PDGFRB: variants seen among roughly 807,000 people sequenced by gnomAD.
PDGFRB encodes platelet derived growth factor receptor beta, also known as platelet-derived growth factor receptor beta.
In PDGFRB, 42 loss-of-function variants were observed where a neutral mutation model predicts 120.2. The observed-to-expected ratio is 0.35, with a 90% CI of 0.27 to 0.45. The LOEUF (loss-of-function observed/expected upper bound fraction) is 0.45. PDGFRB is among the 20% of genes least tolerant of loss of function. The pLI, the probability that PDGFRB is intolerant of heterozygous loss-of-function variation, is 1.00. For synonymous variants in PDGFRB, 586 were observed against 606.8 expected, an observed-to-expected ratio of 0.97 and a Z score of 0.50; for missense variants, 1,149 against 1,476.3, an observed-to-expected ratio of 0.78 and a Z score of 3.63.
At chr5:150,117,520 A>T (rs1202436631) in intron 22 of PDGFRB, 98 bp downstream of exon 22, 9 of 699,682 alleles carry the variant, frequency 1.3e-5, no homozygotes, top group Non-Finnish European at 2.0e-5. Context: ...TCTGAGGCAA[A>T]CCTGGCAGCG....
chr5:150,123,006 T>A (rs1298967790), intron 15 of PDGFRB, 36 bp downstream of exon 15: 1 of 1,588,188 alleles, frequency 6.3e-7, no homozygotes, highest in South Asian at 1.1e-5. Flanking sequence ...TCCTCAGGTA[T>A]CCCAAAGATT....
rs1696530222 is a variant in PDGFRB, at chr5:150,133,716, C to T, written c.804G>A (p.Met268Ile). ...GCAGGATGGAGCGGATGTGGTAAGG[C>T]ATATCCAAGAGGAAGTCAGTCACCG... ...VEPVTDFLLD[M>I]PYHIRSILHI... The change falls in exon 6 of 23, where the codon ATG (methionine) becomes ATA (isoleucine). Residue 268 changes from methionine (M) to isoleucine (I), a missense_variant. By Grantham distance (10) the Met-to-Ile change is conservative (BLOSUM62 1). This residue lies in a region of PDGFRB where 879 missense variants were observed against 1,108.6 expected (regional missense o/e 0.79). Transcript: ENST00000261799. 1.2e-6 allele frequency: 2 copies of T among 1,614,158 alleles called. No individual in the cohort carries two copies. The highest frequency in any genetic ancestry group is 1.3e-5 in the African/African-American group (1 of 75,028).
chr5:150,117,537 CGCGCG>C, intron 22 of PDGFRB, 76 bp downstream of exon 22: 7 of 590,126 alleles, frequency 1.2e-5, no homozygotes. Context: ...AGCGCGCGCG[CGCGCG>C]CGCACACACA....
In PDGFRB at chr5:150,115,840, G is replaced by C. The variant is rs1759911857; in HGVS notation, c.3244C>G (p.Pro1082Ala). 1 of 1,612,848 alleles carries C rather than the reference G, an allele frequency of 6.2e-7. No homozygotes were observed. Among genetic ancestry groups the C allele is most frequent in the East Asian group, 2.2e-5 (1 of 44,858 alleles). Residue 1082 changes from proline to alanine, a missense_variant, in exon 23 of 23, where the codon CCG becomes GCG. Physicochemically the swap from Pro to Ala is conservative, Grantham distance 27. Coordinates refer to ENST00000261799, the MANE Select transcript of PDGFRB (RefSeq NM_002609.4). The stretch of plus-strand genomic sequence containing the variant: ...GGCAACTGTTCCAGCTCTGGCTCCG[G>C]CTCCACCTGGAGCTCAAGCTGGGGC... ...PEPQLELQVE[P>A]EPELEQLPDS...
At chr5:150,149,392 A>T (rs1761010184) in intron 1 of PDGFRB, among the ~76,000 whole-genome samples, 1 of 152,182 alleles carries the variant, frequency 6.6e-6, no homozygotes, top group South Asian at 2.1e-4. Context: ...CAGAGCATTA[A>T]ACCAAACATA....
rs193195949 is a variant in PDGFRB at position 150,114,802 on chromosome 5, C to A, written c.*961G>T. On this transcript the variant is annotated 3_prime_UTR_variant, in exon 23 of 23. Coordinates refer to ENST00000261799, the MANE Select transcript of PDGFRB (RefSeq NM_002609.4). The stretch of plus-strand genomic sequence containing the variant: ...GCAAGGCACTCAGAGTTAATAAGTC[C>A]GACTTATTCATTTTTTGAAGGGGAA... 1.7e-5 allele frequency: 4 copies of A among 233,436 alleles called. No individual in the cohort carries two copies. Among genetic ancestry groups the A allele is most frequent in the Non-Finnish European group, 3.4e-5 (4 of 117,994 alleles). 14.5% of individuals were successfully genotyped at this position (233,436 alleles called of 1,614,324 possible).
At chr5:150,127,848 A>C (rs1184538384) in intron 10 of PDGFRB, among the ~76,000 whole-genome samples, 1 of 150,026 alleles carries the variant, frequency 6.7e-6, no homozygotes, top group South Asian at 2.2e-4. Flanking sequence ...AAAAAAAAAA[A>C]AAAAAAAAAA....
chr5:150,125,641 TCGTCCGTCTAGGA>T, intron 11 of PDGFRB, 64 bp from the exon 12 acceptor site: 1 of 1,560,116 alleles, frequency 6.4e-7, no homozygotes, highest in Middle Eastern at 1.7e-4. Context: ...CCCATTAGGT[TCGTCCGTCTAGGA>T]CACATGGGGC....
At chr5:150,141,585 T>G (rs920073896) in intron 1 of PDGFRB, among the ~76,000 whole-genome samples, 2 of 152,170 alleles carry the variant, frequency 1.3e-5, no homozygotes, top group Non-Finnish European at 2.9e-5. Flanking sequence ...CTGACCAACG[T>G]GCATGTTTGG....
At chr5:150,133,436 A>G (rs1760531360) in intron 6 of PDGFRB, 150 bp downstream of exon 6, 1 of 700,476 alleles carries the variant, frequency 1.4e-6, no homozygotes, top group African/African-American at 1.8e-5. Context: ...GGCTGACTAT[A>G]CCCCGGGGCT....
In PDGFRB at chr5:150,120,732, A is replaced by C. The variant is rs1266021679; in HGVS notation, c.2586+156T>G. The stretch of plus-strand genomic sequence containing the variant: ...CTCCCCATCCTGTCCCTGCACACAT[A>C]GCTGGGCAGGCACAGCCCATCACTG... On this transcript the variant is annotated intron_variant, in intron 18 of 22. Coordinates refer to ENST00000261799, the MANE Select transcript of PDGFRB (RefSeq NM_002609.4). The surrounding 1 kb of genome is among the most constrained non-coding windows in gnomAD (Gnocchi z 4.3). Among the ~76,000 whole-genome samples the C allele has an allele frequency of 6.6e-6, 1 of 151,980 alleles. No homozygotes were observed. The highest frequency in any genetic ancestry group is 1.5e-5 in the Non-Finnish European group (1 of 67,992).
chr5:150,132,009 C>T lies in PDGFRB; in HGVS notation c.1213G>A (p.Val405Ile). Residue 405 changes from valine to isoleucine, a missense_variant, in exon 8 of 23, where the codon GTC becomes ATC. Coordinates refer to ENST00000261799, the MANE Select transcript of PDGFRB (RefSeq NM_002609.4). The surrounding 1 kb of genome is among the most constrained non-coding windows in gnomAD (Gnocchi z 5.0). ...ATCTGTAGCTGGAAGGAGAGCTGGA[C>T]CTCAGCATCCTCATGGAAGGCCCGC... ...TMRAFHEDAE[V>I]QLSFQLQINV... The T allele has an allele frequency of 6.2e-7, 1 of 1,604,456 alleles. No individual in the cohort carries two copies. The highest frequency in any genetic ancestry group is 8.5e-7 in the Non-Finnish European group (1 of 1,171,224).
intron 1 of PDGFRB, among the ~76,000 whole-genome samples, chr5:150,147,367 G>A (rs1179762873): frequency 1.3e-5 from 2 of 152,226 alleles, no homozygotes; most frequent in African/African-American, 4.8e-5. Context: ...TGAGACTGAG[G>A]AGGGGGGTGC....
rs781190777 is a variant in PDGFRB at position 150,132,038 on chromosome 5, G to A, written c.1184C>T (p.Thr395Ile). The change falls in exon 8 of 23, where the codon ACC (threonine) becomes ATC (isoleucine). Residue 395 changes from threonine (T) to isoleucine (I), a missense_variant. Thr to Ile is a moderately conservative substitution (Grantham distance 89, BLOSUM62 -1). Coordinates refer to ENST00000261799, the MANE Select transcript of PDGFRB (RefSeq NM_002609.4). This position sits in a 1 kb window ranked among gnomAD's most constrained non-coding sequence, Gnocchi z 5.0. ...AGCATCCTCATGGAAGGCCCGCATGGTGTAGTGGCCAGCCTCTGCCACCTT... is the reference window on the plus strand; with the variant it reads ...AGCATCCTCATGGAAGGCCCGCATGATGTAGTGGCCAGCCTCTGCCACCTT... Reference protein sequence around the residue: ...RVKVAEAGHYTMRAFHEDAEV... With the variant: ...RVKVAEAGHYIMRAFHEDAEV... 1.1e-5 allele frequency: 18 copies of A among 1,612,340 alleles called. No individual in the cohort carries two copies. Among genetic ancestry groups the A allele is most frequent in the African/African-American group, 6.7e-5 (5 of 74,874 alleles).
At chr5:150,131,256 C>A (rs576531570) in intron 8 of PDGFRB, among the ~76,000 whole-genome samples, 8 of 152,300 alleles carry the variant, frequency 5.3e-5, no homozygotes, top group Middle Eastern at 3.4e-3. Flanking sequence ...ACTGCCCTAT[C>A]CCCGTTCTGA....
intron 8 of PDGFRB, among the ~76,000 whole-genome samples, chr5:150,131,398 C>G (rs1307364074): frequency 1.3e-5 from 2 of 152,194 alleles, no homozygotes; most frequent in African/African-American, 4.8e-5. Flanking sequence ...TCACCTTCTT[C>G]AGGTCTTCAT....
In PDGFRB at chr5:150,121,909, A is replaced by G. The variant is rs2113891102; in HGVS notation, c.2315T>C (p.Met772Thr). 2.5e-6 allele frequency: 4 copies of G among 1,613,686 alleles called. No individual in the cohort carries two copies. The highest frequency in any genetic ancestry group is 3.4e-6 in the Non-Finnish European group (4 of 1,179,578). Residue 772 changes from methionine (M) to threonine (T), a missense_variant, in exon 16 of 23, where the codon ATG becomes ACG. By Grantham distance (81) the Met-to-Thr change is moderately conservative. Transcript: ENST00000261799. This position sits in a 1 kb window ranked among gnomAD's most constrained non-coding sequence, Gnocchi z 4.1. Reference sequence around the variant, plus strand: ...GGGAACGTAGTTATCGTAAGGGGCCATGTAGTTGGAGGACTCGATGTCTGC... The same window carrying G: ...GGGAACGTAGTTATCGTAAGGGGCCGTGTAGTTGGAGGACTCGATGTCTGC... ...KYADIESSNY[M>T]APYDNYVPSA...
intron 2 of PDGFRB, among the ~76,000 whole-genome samples, 166 bp from the exon 3 acceptor site, chr5:150,136,044 G>A (rs895632682): frequency 2.0e-5 from 3 of 152,110 alleles, no homozygotes; most frequent in East Asian, 1.9e-4. Context: ...AGGACCGCTC[G>A]CCCAGCTCCA....
chr5:150,132,102 GC>G lies in PDGFRB; in HGVS notation c.1128-9del. On this transcript the variant is annotated splice_polypyrimidine_tract_variant and intron_variant, in intron 7 of 22. Coordinates refer to ENST00000261799, the MANE Select transcript of PDGFRB (RefSeq NM_002609.4). The surrounding 1 kb of genome is among the most constrained non-coding windows in gnomAD (Gnocchi z 5.0). Reference sequence around the variant, plus strand: ...GTCAGCTCTGACACATACCTGGGGAGCAGGAAAGGCAGCTGTCAGAGTCGGA... The same window carrying G: ...GTCAGCTCTGACACATACCTGGGGAGAGGAAAGGCAGCTGTCAGAGTCGGA... 8 of 1,463,042 alleles carry G rather than the reference GC, an allele frequency of 5.5e-6. No homozygotes were observed. Among genetic ancestry groups the G allele is most frequent in the Non-Finnish European group, 7.7e-6 (8 of 1,042,696 alleles). 90.6% of individuals were successfully genotyped at this position (1,463,042 alleles called of 1,614,324 possible). A position where few individuals can be genotyped will look rare whatever the true frequency, so the allele number is the denominator to read the frequency against.
Sources: allele counts gnomAD v4.1 joint callset (sites outside exome capture counted in the v4.1 genomes callset), GRCh38; gene constraint gnomAD v4.1.1; regional missense constraint gnomAD v4.1.1; non-coding constraint Gnocchi (gnomAD v3.1); transcripts MANE v1.5; gene names NCBI Gene and HGNC (gene_info 2026-07-23, HGNC 2026-07-21).